Variants in BLTP1 observed in about 807,000 individuals in gnomAD.
The protein encoded by BLTP1 is bridge-like lipid transfer protein family member 1.
chr4:122,228,039 G>A, the BLTP1 span, among the ~76,000 whole-genome samples: 3 of 151,248 alleles, frequency 2.0e-5, no homozygotes, highest in African/African-American at 7.3e-5. Flanking sequence ...TCAGCCTCCC[G>A]AGTAGCTGGG....
chr4:122,278,160 T>A, the BLTP1 span, among the ~76,000 whole-genome samples: 1 of 152,052 alleles, frequency 6.6e-6, no homozygotes, highest in Admixed American at 6.6e-5. Context: ...CTGTGGAAAA[T>A]GGAATTAAAG....
the BLTP1 span, among the ~76,000 whole-genome samples, chr4:122,229,528 A>C: frequency 1.3e-5 from 2 of 152,118 alleles, no homozygotes; most frequent in Non-Finnish European, 2.9e-5. Flanking sequence ...AGTGCTTTTA[A>C]ATGATTTGAT....
chr4:122,336,531 C>T, the BLTP1 span: 7 of 554,212 alleles, frequency 1.3e-5, no homozygotes, highest in African/African-American at 2.1e-5. Flanking sequence ...AATGAAGAAA[C>T]TAAGTCCTGG....
chr4:122,283,149 A>G, the BLTP1 span, among the ~76,000 whole-genome samples: 7 of 151,752 alleles, frequency 4.6e-5, no homozygotes, highest in Admixed American at 4.6e-4. Flanking sequence ...ATTTTGTTAC[A>G]TTTTTTCTTG....
At chr4:122,188,125 A>T in the BLTP1 span, 10 of 1,395,860 alleles carry the variant, frequency 7.2e-6, no homozygotes, top group Admixed American at 1.7e-4. Context: ...AAAACTTCTT[A>T]TAGGTAATAC....
At chr4:122,168,705 A>C in the BLTP1 span, among the ~76,000 whole-genome samples, 20 of 152,104 alleles carry the variant, frequency 1.3e-4, 1 homozygote, top group Admixed American at 1.2e-3. Flanking sequence ...TTTTTTACTC[A>C]GTTTCTACAC....
At chr4:122,287,218 A>G in the BLTP1 span, among the ~76,000 whole-genome samples, 30 of 152,320 alleles carry the variant, frequency 2.0e-4, no homozygotes, top group Non-Finnish European at 3.8e-4. Flanking sequence ...ACAGGTATAC[A>G]TAATTATTAA....
the BLTP1 span, chr4:122,202,021 G>T: frequency 6.5e-6 from 2 of 310,014 alleles, no homozygotes; most frequent in Non-Finnish European, 9.4e-6. Context: ...GTGAAATAGG[G>T]ATAACAATTT....
the BLTP1 span, among the ~76,000 whole-genome samples, chr4:122,178,525 A>G: frequency 3.4e-4 from 52 of 152,336 alleles, no homozygotes; most frequent in African/African-American, 1.2e-3. Context: ...TCCTTTCAAT[A>G]TAACAGCTAT....
the BLTP1 span, chr4:122,211,971 C>A: frequency 1.6e-6 from 1 of 610,304 alleles, no homozygotes; most frequent in Non-Finnish European, 2.1e-6. Flanking sequence ...TCACTTTCAA[C>A]AACTTAAGAA....
chr4:122,254,783 A>G, the BLTP1 span: 2 of 1,489,712 alleles, frequency 1.3e-6, no homozygotes, highest in Non-Finnish European at 1.8e-6. Context: ...TGTTTTTATA[A>G]TTTTTTATTT....
the BLTP1 span, among the ~76,000 whole-genome samples, chr4:122,172,540 T>A: frequency 0.028 from 4,318 of 152,284 alleles, 138 homozygotes; most frequent in African/African-American, 0.08. Flanking sequence ...CTATTTGATA[T>A]GCCTTTATAC....
chr4:122,266,137 C>CA, the BLTP1 span, among the ~76,000 whole-genome samples: 2 of 152,248 alleles, frequency 1.3e-5, no homozygotes, highest in South Asian at 4.2e-4. Flanking sequence ...GATGAGTAGT[C>CA]AGAGTGATTT....
the BLTP1 span, chr4:122,314,168 G>A: frequency 1.0e-6 from 1 of 982,380 alleles, no homozygotes; most frequent in Non-Finnish European, 1.2e-6. Context: ...TCTTTCTTAA[G>A]CAAAAACTGG....
chr4:122,300,666 C>T, the BLTP1 span, among the ~76,000 whole-genome samples: 1 of 152,104 alleles, frequency 6.6e-6, no homozygotes, highest in Admixed American at 6.6e-5. Context: ...TGCTTTTTAT[C>T]TATTTGGTTC....
At chr4:122,237,408 C>G in the BLTP1 span, 1 of 951,030 alleles carries the variant, frequency 1.1e-6, no homozygotes, top group East Asian at 1.2e-4. Flanking sequence ...GTATTGAGTG[C>G]CTTCTGTGTA....
At chr4:122,185,188 G>A in the BLTP1 span, 1 of 983,012 alleles carries the variant, frequency 1.0e-6, no homozygotes, top group Non-Finnish European at 1.2e-6. Context: ...TTTCAACCAA[G>A]TGATGATAAA....
chr4:122,279,574 A>G, the BLTP1 span: 2 of 181,138 alleles, frequency 1.1e-5, no homozygotes, highest in Non-Finnish European at 2.1e-5. Context: ...TCATGTTCAC[A>G]TGTTTCAACA....
the BLTP1 span, among the ~76,000 whole-genome samples, chr4:122,270,716 A>G: frequency 3.9e-4 from 60 of 152,098 alleles, no homozygotes; most frequent in Admixed American, 3.5e-3. Context: ...CTCTACGGCA[A>G]TACCATCAAA....
Sources: allele counts gnomAD v4.1 joint callset (sites outside exome capture counted in the v4.1 genomes callset), GRCh38; gene constraint gnomAD v4.1.1; transcripts MANE v1.5; gene names NCBI Gene and HGNC (gene_info 2026-07-23, HGNC 2026-07-21).